The following DNAH9 variants were observed in gnomAD, a reference collection of about 807,000 sequenced individuals.
The protein encoded by DNAH9 is DNAH9 variant protein.
A neutral mutation model predicts 471.6 loss-of-function variants in DNAH9; 345 were observed. That is an observed-to-expected ratio of 0.73 (90% confidence interval 0.67 to 0.80). The LOEUF (loss-of-function observed/expected upper bound fraction) is 0.80, where lower values mean the gene tolerates loss of function less well. Ranked by LOEUF, DNAH9 falls within the 30% of genes least tolerant of loss-of-function variation. The pLI, the probability that DNAH9 is intolerant of heterozygous loss-of-function variation, is 0.00. For missense variants in DNAH9, 5,407 were observed against 5,609.2 expected (o/e 0.96, Z 1.15); for synonymous variants, 2,093 against 2,123.6 (o/e 0.99, Z 0.40).
At position 11,969,301 on chromosome 17, in the gene DNAH9, CTGGG is replaced by C; in HGVS notation, c.13236_13239del (p.Gly4413SerfsTer7). The C allele has an allele frequency of 6.2e-7, 1 of 1,613,606 alleles. No homozygotes were observed. The highest frequency in any genetic ancestry group is 8.5e-7 in the Non-Finnish European group (1 of 1,179,772). On this transcript the variant is annotated frameshift_variant and splice_region_variant, in exon 69 of 69. Transcript: ENST00000262442. LOFTEE classifies it high-confidence loss of function. ...CCTCTTCTCATGTTTTATCCTCAGGCTGGGATCATTACAGAGGCAAAGCTGAAGG... is the reference window on the plus strand; with the variant it reads ...CCTCTTCTCATGTTTTATCCTCAGGCATCATTACAGAGGCAAAGCTGAAGG...
At chr17:11,648,944 G>C (rs1020490864) in intron 12 of DNAH9, among the ~76,000 whole-genome samples, 5 of 152,044 alleles carry the variant, frequency 3.3e-5, no homozygotes, top group Non-Finnish European at 7.4e-5. Context: ...TGACTGACAT[G>C]GAGAAACCCC....
Position 11,834,874 on chromosome 17 carries a change from G to T in DNAH9, c.9483G>T (p.Gln3161His), listed in dbSNP as rs1181075259. Residue 3161 changes from glutamine to histidine, a missense_variant, in exon 49 of 69, where the codon CAG (glutamine) becomes CAT (histidine). By Grantham distance (24) the Gln-to-His change is conservative. This residue lies in a region of DNAH9 where 4,636 missense variants were observed against 4,900.3 expected (regional missense o/e 0.95). Transcript: ENST00000262442. Reference protein sequence around the residue: ...AKAEPALTAAQAALNTLNKTN... With the variant: ...AKAEPALTAAHAALNTLNKTN... ...CTGAGCCAGCACTCACAGCAGCGCA[G>T]GCAGCTCTCAACACCCTGAACAAGG... 1.2e-6 allele frequency: 2 copies of T among 1,613,364 alleles called. No homozygotes were observed. The highest frequency in any genetic ancestry group is 2.2e-5 in the South Asian group (2 of 90,972).
intron 53 of DNAH9, among the ~76,000 whole-genome samples, chr17:11,876,651 G>A (rs1039697864): frequency 6.6e-6 from 1 of 152,176 alleles, no homozygotes; most frequent in Non-Finnish European, 1.5e-5. Flanking sequence ...CAGGGAGTGC[G>A]AGGGAGAGGG....
At chr17:11,834,933 C>A in intron 49 of DNAH9, 35 bp downstream of exon 49, 1 of 1,601,712 alleles carries the variant, frequency 6.2e-7, no homozygotes, top group South Asian at 1.1e-5. Flanking sequence ...GCTCATCCCT[C>A]AGGGGCTGGT....
chr17:11,869,121 C>A lies in DNAH9; in HGVS notation c.9934-13C>A. On this transcript the variant is annotated splice_polypyrimidine_tract_variant and intron_variant, in intron 50 of 68. Coordinates refer to ENST00000262442, the MANE Select transcript of DNAH9 (RefSeq NM_001372.4). ...CGAAATGACTGATGGTCCTTGTATTCCTTCCTAAACAGCACCTTAATGAAA... is the reference window on the plus strand; with the variant it reads ...CGAAATGACTGATGGTCCTTGTATTACTTCCTAAACAGCACCTTAATGAAA... 6 of 1,612,482 alleles carry A rather than the reference C, an allele frequency of 3.7e-6. No homozygotes were observed. The highest frequency in any genetic ancestry group is 5.1e-6 in the Non-Finnish European group (6 of 1,179,228).
chr17:11,637,273 C>T (rs1224704392), intron 9 of DNAH9, among the ~76,000 whole-genome samples: 2 of 152,204 alleles, frequency 1.3e-5, no homozygotes, highest in Non-Finnish European at 2.9e-5. Context: ...CGTGTCAAAA[C>T]AAATGCATTT....
intron 67 of DNAH9, among the ~76,000 whole-genome samples, chr17:11,961,229 C>T (rs1976142992): frequency 6.6e-6 from 1 of 152,088 alleles, no homozygotes; most frequent in African/African-American, 2.4e-5. Flanking sequence ...GCAGAAGAAT[C>T]ACTTGAACCT....
chr17:11,823,898 C>A (rs1204647997), intron 48 of DNAH9, among the ~76,000 whole-genome samples: 1 of 151,128 alleles, frequency 6.6e-6, no homozygotes, highest in African/African-American at 2.4e-5. Context: ...CCACTGCCGT[C>A]CAGCCTGGGT....
At chr17:11,874,244 C>CAAAAAAAAAAAA (rs770328921) in intron 52 of DNAH9, among the ~76,000 whole-genome samples, 1 of 106,456 alleles carries the variant, frequency 9.4e-6, no homozygotes, top group Non-Finnish European at 1.9e-5. Flanking sequence ...GATTCCATCT[C>CAAAAAAAAAAAA]AAAAAAAAAA....
At chr17:11,836,956 C>T (rs894889512) in intron 49 of DNAH9, among the ~76,000 whole-genome samples, 4 of 152,136 alleles carry the variant, frequency 2.6e-5, no homozygotes, top group Admixed American at 6.6e-5. Context: ...TCTGAGCTTG[C>T]GTTTTCTCAT....
intron 67 of DNAH9, among the ~76,000 whole-genome samples, chr17:11,943,114 T>A (rs1974996346): frequency 6.6e-6 from 1 of 151,804 alleles, no homozygotes; most frequent in African/African-American, 2.4e-5. Context: ...CAGGATGGTC[T>A]CCATCTCCTG....
Position 11,932,282 on chromosome 17 carries a change from A to C in DNAH9, c.12297+77A>C. ...TATTTAATTTTGAGGGGTGAATCAG[A>C]GGGGTCTAGGATGGGGCCTGAGAAT... On this transcript the variant is annotated intron_variant, in intron 64 of 68. Coordinates refer to ENST00000262442, the MANE Select transcript of DNAH9 (RefSeq NM_001372.4). The surrounding 1 kb of genome is among the most constrained non-coding windows in gnomAD (Gnocchi z 4.3). The C allele has an allele frequency of 1.4e-6, 2 of 1,463,780 alleles. No individual in the cohort carries two copies. The highest frequency in any genetic ancestry group is 1.9e-6 in the Non-Finnish European group (2 of 1,074,478). 90.7% of individuals were successfully genotyped at this position (1,463,780 alleles called of 1,614,324 possible). A position where few individuals can be genotyped will look rare whatever the true frequency, so the allele number is the denominator to read the frequency against.
chr17:11,667,022 G>T (rs989503742), intron 15 of DNAH9, among the ~76,000 whole-genome samples: 2 of 152,108 alleles, frequency 1.3e-5, no homozygotes, highest in South Asian at 4.2e-4. Flanking sequence ...AATGATTTAC[G>T]TGCACCAACA....
At chr17:11,833,253 G>C (rs1198614314) in intron 48 of DNAH9, among the ~76,000 whole-genome samples, 1 of 152,230 alleles carries the variant, frequency 6.6e-6, no homozygotes, top group Non-Finnish European at 1.5e-5. Context: ...AATTCAGCTG[G>C]CCTGGGCCAC....
At chr17:11,821,555 T>G (rs1970310859) in intron 45 of DNAH9, among the ~76,000 whole-genome samples, 1 of 152,154 alleles carries the variant, frequency 6.6e-6, no homozygotes, top group Non-Finnish European at 1.5e-5. Context: ...TTGGATCCTA[T>G]TAGCCATGTT....
chr17:11,663,085 A>G (rs1023575187), intron 14 of DNAH9, among the ~76,000 whole-genome samples: 1 of 152,112 alleles, frequency 6.6e-6, no homozygotes, highest in Non-Finnish European at 1.5e-5. Flanking sequence ...TCTAAAGAGG[A>G]CTTACTCTGG....
At chr17:11,728,274 G>A (rs1412295299) in intron 28 of DNAH9, among the ~76,000 whole-genome samples, 1 of 152,164 alleles carries the variant, frequency 6.6e-6, no homozygotes, top group Non-Finnish European at 1.5e-5. Flanking sequence ...ATAAACCAAG[G>A]CTTAAATTTC....
chr17:11,602,186 T>G (rs1567655680), intron 1 of DNAH9, among the ~76,000 whole-genome samples: 1 of 152,186 alleles, frequency 6.6e-6, no homozygotes, highest in Non-Finnish European at 1.5e-5. Flanking sequence ...AAATTCTGGT[T>G]AAATTCAGCA....
chr17:11,868,064 C>T (rs1438109334), intron 50 of DNAH9, among the ~76,000 whole-genome samples: 1 of 152,218 alleles, frequency 6.6e-6, no homozygotes, highest in East Asian at 1.9e-4. Context: ...GTCTCCACTT[C>T]TTCAACAGTG....
Sources: allele counts gnomAD v4.1 joint callset (sites outside exome capture counted in the v4.1 genomes callset), GRCh38; gene constraint gnomAD v4.1.1; regional missense constraint gnomAD v4.1.1; non-coding constraint Gnocchi (gnomAD v3.1); transcripts MANE v1.5; gene names NCBI Gene and HGNC (gene_info 2026-07-23, HGNC 2026-07-21).